The following SYN1 variants were observed in gnomAD, a reference collection of about 807,000 sequenced individuals.
SYN1 encodes the protein synapsin-1.
In SYN1, 8 loss-of-function variants were observed where a neutral mutation model predicts 44.6. The ratio of observed to expected loss-of-function variants is 0.18; its 90% CI spans 0.11 to 0.32. The LOEUF (loss-of-function observed/expected upper bound fraction) is 0.32, where lower values mean the gene tolerates loss of function less well. Ranked by LOEUF, SYN1 falls within the 10% of genes least tolerant of loss-of-function variation. The pLI, the probability that SYN1 is intolerant of heterozygous loss-of-function variation, is 1.00. For synonymous variants in SYN1, 275 were observed against 280.1 expected (o/e 0.98, Z 0.18); for missense variants, 451 against 639.4 (o/e 0.71, Z 3.18).
intron 1 of SYN1, among the ~76,000 whole-genome samples, 189 bp from the exon 2 acceptor site, chrX:47,607,387 C>T (rs1313468018): frequency 9.0e-6 from 1 of 111,647 alleles, no homozygotes; most frequent in South Asian, 3.7e-4. Context: ...CATGGAGTTG[C>T]AAAAATATTA....
chrX:47,597,875 C>T (rs1242093165), intron 5 of SYN1, among the ~76,000 whole-genome samples: 7 of 111,930 alleles, frequency 6.3e-5, no homozygotes, highest in Non-Finnish European at 1.3e-4. Context: ...GGCAGTAGGA[C>T]AACATATTCA....
intron 1 of SYN1, among the ~76,000 whole-genome samples, chrX:47,610,488 A>G (rs1297518427): frequency 9.7e-6 from 1 of 103,046 alleles, no homozygotes; most frequent in African/African-American, 3.5e-5. Context: ...CCTGGAAACC[A>G]GACCAAAAAT....
At chrX:47,606,751 A>ATATTT (rs1345170011) in intron 3 of SYN1, among the ~76,000 whole-genome samples, 194 bp downstream of exon 3, 27 of 93,236 alleles carry the variant, frequency 2.9e-4, no homozygotes, top group African/African-American at 1.0e-3. Flanking sequence ...ATATATATAT[A>ATATTT]TTTTTTTTTA....
rs766163039 is a variant in SYN1, at chrX:47,576,997, C to T, written c.838-357G>A. On this transcript the variant is annotated intron_variant, in intron 6 of 12. Coordinates refer to ENST00000295987, the MANE Select transcript of SYN1 (RefSeq NM_006950.3). The stretch of plus-strand genomic sequence containing the variant: ...GACACAAAATCAATTGTACACACAA[C>T]ATGCTAAGATACAGAAACTCGGACA... Among the ~76,000 whole-genome samples the T allele has an allele frequency of 1.8e-4, 20 of 111,676 alleles. No individual in the cohort carries two copies. In the South Asian group the frequency reaches 6.6e-3, roughly 37 times the overall value.
At chrX:47,597,333 C>T (rs1603066905) in intron 5 of SYN1, among the ~76,000 whole-genome samples, 1 of 89,957 alleles carries the variant, frequency 1.1e-5, no homozygotes, top group Admixed American at 1.3e-4. Flanking sequence ...GAAACTCCAT[C>T]TCAAAAAAAA....
intron 6 of SYN1, 148 bp from the exon 7 acceptor site, chrX:47,576,788 C>G: frequency 2.8e-6 from 2 of 707,078 alleles, no homozygotes; most frequent in Non-Finnish European, 4.3e-6. Flanking sequence ...CAAGCAGGCA[C>G]GATCATGGGT....
chrX:47,583,632 C>T (rs1367222452), intron 5 of SYN1: 7 of 981,185 alleles, frequency 7.1e-6, no homozygotes, highest in Middle Eastern at 5.5e-4. Flanking sequence ...AATGATTCCA[C>T]TCGCCCCTGC....
chrX:47,574,717 G>A lies in SYN1; in HGVS notation c.1364C>T (p.Pro455Leu). 1 of 1,186,486 alleles carries A rather than the reference G, an allele frequency of 8.4e-7. No individual in the cohort carries two copies. The highest frequency in any genetic ancestry group is 1.1e-6 in the Non-Finnish European group (1 of 883,280). The part of the protein sequence containing the change: ...GRQTSQQPAG[P>L]PAQQRPPPQG... ...TGGTGGGGGTCGCTGCTGAGCCGGG[G>A]GCCCTGCGGGCTGCTGGGAGGTCTG... Residue 455 changes from proline to leucine, a missense_variant, in exon 11 of 13, where the codon CCC becomes CTC. Physicochemically the swap from Pro to Leu is moderately conservative, Grantham distance 98 (BLOSUM62 -3). Transcript: ENST00000295987.
At chrX:47,605,415 C>T (rs201154840) in intron 3 of SYN1, 36 bp from the exon 4 acceptor site, 1 of 1,201,110 alleles carries the variant, frequency 8.3e-7, no homozygotes, top group Non-Finnish European at 1.1e-6. Context: ...GAGAGTTCCC[C>T]CAGAAGCTCC....
chrX:47,574,902 T>C, intron 10 of SYN1, 127 bp from the exon 11 acceptor site: 1 of 698,141 alleles, frequency 1.4e-6, no homozygotes, highest in Non-Finnish European at 2.1e-6. Flanking sequence ...GAGGGTACTC[T>C]GGGTTGTGGG....
At chrX:47,584,984 T>C (rs2057816792) in intron 5 of SYN1, 3 of 1,211,273 alleles carry the variant, frequency 2.5e-6, no homozygotes, top group Non-Finnish European at 3.4e-6. Context: ...CAGACCACCT[T>C]ATACCAGCGT....
At chrX:47,583,514 G>A (rs776991602) in intron 5 of SYN1, 1 of 1,199,086 alleles carries the variant, frequency 8.3e-7, no homozygotes, top group Non-Finnish European at 1.1e-6. Context: ...ACCCACAGAC[G>A]GCCTTCTGCA....
intron 5 of SYN1, among the ~76,000 whole-genome samples, chrX:47,603,350 C>G (rs1049189723): frequency 9.0e-6 from 1 of 111,111 alleles, no homozygotes; most frequent in South Asian, 3.8e-4. Context: ...GTGTATGCCA[C>G]CATGCCGGGC....
At chrX:47,585,221 A>C (rs1248254190) in intron 5 of SYN1, 14 of 1,192,264 alleles carry the variant, frequency 1.2e-5, no homozygotes, top group Non-Finnish European at 1.6e-5. Context: ...AAAGGGTTCC[A>C]AGCCTTAGGG....
At chrX:47,603,968 C>T (rs1476515618) in intron 5 of SYN1, among the ~76,000 whole-genome samples, 3 of 100,362 alleles carry the variant, frequency 3.0e-5, no homozygotes, top group African/African-American at 1.1e-4. Context: ...AGTGTAATAG[C>T]GTGATCTTGG....
At chrX:47,579,100 C>G (rs939003167) in intron 5 of SYN1, among the ~76,000 whole-genome samples, 2 of 111,703 alleles carry the variant, frequency 1.8e-5, no homozygotes, top group Admixed American at 1.9e-4. Context: ...TGGTAGACAA[C>G]TCCCAGAAGT....
intron 5 of SYN1, among the ~76,000 whole-genome samples, chrX:47,580,194 T>A (rs1336614316): frequency 9.4e-6 from 1 of 106,301 alleles, no homozygotes; most frequent in Non-Finnish European, 1.9e-5. Flanking sequence ...GCTTTTTTTT[T>A]TTTTTTTAAA....
chrX:47,610,364 C>T (rs1358422177), intron 1 of SYN1, among the ~76,000 whole-genome samples: 2 of 109,652 alleles, frequency 1.8e-5, no homozygotes, highest in Non-Finnish European at 3.8e-5. Flanking sequence ...GTAGACTACT[C>T]CCCTGAGTTA....
At chrX:47,595,807 G>A (rs1187224497) in intron 5 of SYN1, among the ~76,000 whole-genome samples, 1 of 111,686 alleles carries the variant, frequency 9.0e-6, no homozygotes, top group Non-Finnish European at 1.9e-5. Flanking sequence ...AGATATGCCT[G>A]GAGGTGATGT....
Sources: allele counts gnomAD v4.1 joint callset (sites outside exome capture counted in the v4.1 genomes callset), GRCh38; gene constraint gnomAD v4.1.1; transcripts MANE v1.5; gene names NCBI Gene and HGNC (gene_info 2026-07-23, HGNC 2026-07-21).